TMEM108: variants seen among roughly 807,000 people sequenced by gnomAD.
TMEM108 encodes the protein transmembrane protein 108.
In TMEM108, 12 loss-of-function variants were observed where a neutral mutation model predicts 35.1. The observed-to-expected ratio is 0.34, with a 90% CI of 0.22 to 0.55. The LOEUF (loss-of-function observed/expected upper bound fraction) is 0.55, where lower values mean the gene tolerates loss of function less well. Ranked by LOEUF, TMEM108 falls within the 20% of genes least tolerant of loss-of-function variation. The pLI, the probability that TMEM108 is intolerant of heterozygous loss-of-function variation, is 0.89. For synonymous variants in TMEM108, 287 were observed against 308.6 expected (o/e 0.93, Z 0.73); for missense variants, 680 against 753.3 (o/e 0.90, Z 1.14).
chr3:133,208,454 A>G (rs1242494561), intron 2 of TMEM108, among the ~76,000 whole-genome samples: 1 of 152,196 alleles, frequency 6.6e-6, no homozygotes, highest in Non-Finnish European at 1.5e-5. Context: ...CTGTGTAAAC[A>G]TTGATGGGGA....
chr3:133,279,260 A>T (rs958280609), intron 3 of TMEM108, among the ~76,000 whole-genome samples: 6 of 152,200 alleles, frequency 3.9e-5, no homozygotes, highest in Non-Finnish European at 7.3e-5. Context: ...GTGTACGACA[A>T]TCAGCTATGA....
chr3:133,136,368 A>G (rs1944564623), intron 2 of TMEM108, among the ~76,000 whole-genome samples: 1 of 152,194 alleles, frequency 6.6e-6, no homozygotes, highest in Admixed American at 6.5e-5. Flanking sequence ...GGAAAAACAT[A>G]CTTCATTTAA....
At chr3:133,241,322 C>T (rs1946309457) in intron 3 of TMEM108, among the ~76,000 whole-genome samples, 1 of 152,232 alleles carries the variant, frequency 6.6e-6, no homozygotes, top group South Asian at 2.1e-4. Flanking sequence ...TCTCCCTCTC[C>T]TGTTCATCCA....
chr3:133,202,351 G>A (rs1348257567), intron 2 of TMEM108, among the ~76,000 whole-genome samples: 1 of 152,126 alleles, frequency 6.6e-6, no homozygotes, highest in African/African-American at 2.4e-5. Flanking sequence ...TGGTGTTTTA[G>A]TCACAAAGTC....
chr3:133,205,635 C>T (rs1188337118), intron 2 of TMEM108, among the ~76,000 whole-genome samples: 6 of 152,216 alleles, frequency 3.9e-5, no homozygotes, highest in Non-Finnish European at 8.8e-5. Context: ...TCCCCACTCT[C>T]TTCTGGCTTG....
chr3:133,048,507 C>G (rs1327583376), intron 2 of TMEM108, among the ~76,000 whole-genome samples: 1 of 152,176 alleles, frequency 6.6e-6, no homozygotes, highest in Non-Finnish European at 1.5e-5. Flanking sequence ...TGACCTAGAC[C>G]TGAAGTGTAA....
chr3:133,145,807 A>G (rs576515114), intron 2 of TMEM108, among the ~76,000 whole-genome samples: 2 of 152,180 alleles, frequency 1.3e-5, no homozygotes, highest in Non-Finnish European at 2.9e-5. Context: ...ATTTTTGCAC[A>G]CTGATTTTGT....
intron 4 of TMEM108, among the ~76,000 whole-genome samples, chr3:133,384,324 A>G (rs919989905): frequency 6.6e-6 from 1 of 152,230 alleles, no homozygotes; most frequent in Non-Finnish European, 1.5e-5. Flanking sequence ...TGAAGCCACC[A>G]GAGTCAGAAT....
intron 3 of TMEM108, among the ~76,000 whole-genome samples, chr3:133,289,726 T>C (rs1449849176): frequency 6.6e-6 from 1 of 152,184 alleles, no homozygotes; most frequent in Non-Finnish European, 1.5e-5. Context: ...TTCTCTCACT[T>C]TATATGTAAT....
intron 3 of TMEM108, among the ~76,000 whole-genome samples, chr3:133,235,640 A>G (rs747717384): frequency 6.6e-6 from 1 of 152,172 alleles, no homozygotes; most frequent in Non-Finnish European, 1.5e-5. Context: ...GAAGTCCTAC[A>G]TAAATGCCAG....
At chr3:133,139,125 G>A (rs1944605996) in intron 2 of TMEM108, among the ~76,000 whole-genome samples, 3 of 152,120 alleles carry the variant, frequency 2.0e-5, no homozygotes. Flanking sequence ...GTATTCCATG[G>A]TGTATATGTG....
chr3:133,304,693 T>G (rs1947276950), intron 3 of TMEM108, among the ~76,000 whole-genome samples: 1 of 152,188 alleles, frequency 6.6e-6, no homozygotes, highest in South Asian at 2.1e-4. Context: ...TCCTTTTTAT[T>G]GTGTAATAAT....
chr3:133,058,321 G>C (rs1381102068), intron 2 of TMEM108, among the ~76,000 whole-genome samples: 2 of 152,202 alleles, frequency 1.3e-5, no homozygotes, highest in African/African-American at 4.8e-5. Flanking sequence ...AGAGCTGATG[G>C]GATTGGGCTG....
chr3:133,063,009 G>A (rs765509574), intron 2 of TMEM108, among the ~76,000 whole-genome samples: 10 of 152,174 alleles, frequency 6.6e-5, no homozygotes, highest in Non-Finnish European at 1.3e-4. Context: ...ACATGAGGAG[G>A]GTGAGGGACA....
At chr3:133,181,008 T>TAAAAAAA (rs369228472) in intron 2 of TMEM108, among the ~76,000 whole-genome samples, 3,662 of 75,570 alleles carry the variant, frequency 0.048, 459 homozygotes, top group East Asian at 0.15. Flanking sequence ...GCAGTTGTGT[T>TAAAAAAA]AAAAAAAAAA....
At chr3:133,110,272 T>C (rs547792227) in intron 2 of TMEM108, among the ~76,000 whole-genome samples, 3 of 152,286 alleles carry the variant, frequency 2.0e-5, no homozygotes, top group African/African-American at 7.2e-5. Flanking sequence ...GGTCACCAGG[T>C]ACAGCAGCTT....
At chr3:133,315,961 A>T (rs2071193403) in intron 3 of TMEM108, among the ~76,000 whole-genome samples, 1 of 152,222 alleles carries the variant, frequency 6.6e-6, no homozygotes, top group South Asian at 2.1e-4. Context: ...ATGTCCTCAA[A>T]ATAGACCTCC....
chr3:133,348,193 TATAAG>T (rs2071880395), intron 3 of TMEM108, among the ~76,000 whole-genome samples: 1 of 152,050 alleles, frequency 6.6e-6, no homozygotes, highest in Admixed American at 6.6e-5. Flanking sequence ...GTATTACAAA[TATAAG>T]AGAACAGATT....
chr3:133,269,934 A>T, intron 3 of TMEM108, among the ~76,000 whole-genome samples: 1 of 152,230 alleles, frequency 6.6e-6, no homozygotes, highest in Non-Finnish European at 1.5e-5. Context: ...GAGTATTAAA[A>T]ATAAGATCTA....
Sources: allele counts gnomAD v4.1 joint callset (sites outside exome capture counted in the v4.1 genomes callset), GRCh38; gene constraint gnomAD v4.1.1; transcripts MANE v1.5; gene names NCBI Gene and HGNC (gene_info 2026-07-23, HGNC 2026-07-21).